The following COL4A1 variants were observed in gnomAD, a reference collection of about 807,000 sequenced individuals.
The protein encoded by COL4A1 is collagen type IV alpha 1 chain.
In COL4A1, 40 loss-of-function variants were observed where a neutral mutation model predicts 216.6. That is an observed-to-expected ratio of 0.18 (90% CI 0.14 to 0.24). COL4A1 has a LOEUF of 0.24. Among genes scored for constraint, COL4A1 ranks in the 10% least tolerant of loss-of-function variants. COL4A1 has a pLI of 1.00. For synonymous variants in COL4A1, 839 were observed against 810.7 expected (o/e 1.03, Z -0.59); for missense variants, 1,628 against 2,196.8 (o/e 0.74, Z 5.18).
chr13:110,160,956 G>A lies in COL4A1; in HGVS notation c.4640+236C>T, dbSNP rs541993550. 360 of 535,450 alleles carry A rather than the reference G, an allele frequency of 6.7e-4. 1 individual carries two copies. Among genetic ancestry groups the A allele is most frequent in the African/African-American group, 5.9e-3 (309 of 52,524 alleles). The allele number at this position is 535,450 out of a possible 1,614,324, so 33.2% of individuals were successfully genotyped here. Reference sequence around the variant, plus strand: ...ACTCCTGAGCTCAAGCAACCCTCTCGCCTCGGCTTCCCAAAGTGTTGGGAT... The same window carrying A: ...ACTCCTGAGCTCAAGCAACCCTCTCACCTCGGCTTCCCAAAGTGTTGGGAT... On this transcript the variant is annotated intron_variant, in intron 49 of 51. Transcript: ENST00000375820.
intron 2 of COL4A1, among the ~76,000 whole-genome samples, chr13:110,234,270 G>C (rs149030506): frequency 6.6e-6 from 1 of 152,162 alleles, no homozygotes; most frequent in African/African-American, 2.4e-5. Flanking sequence ...CACAAAGGCC[G>C]TTCCTGGCTT....
At chr13:110,301,006 G>A (rs1884468976) in intron 1 of COL4A1, among the ~76,000 whole-genome samples, 1 of 152,166 alleles carries the variant, frequency 6.6e-6, no homozygotes, top group Non-Finnish European at 1.5e-5. Flanking sequence ...ACCAAATCCA[G>A]CAAAGCTTCC....
intron 27 of COL4A1, 34 bp downstream of exon 27, chr13:110,183,150 G>C (rs750300609): frequency 6.2e-7 from 1 of 1,612,764 alleles, no homozygotes; most frequent in Non-Finnish European, 8.5e-7. Context: ...GGAAACTCTC[G>C]TGGTATCCCG....
intron 2 of COL4A1, among the ~76,000 whole-genome samples, chr13:110,231,023 G>T (rs138611836): frequency 1.3e-5 from 2 of 152,184 alleles, no homozygotes; most frequent in Non-Finnish European, 2.9e-5. Flanking sequence ...GATTAATGAC[G>T]TTGCATCCAT....
At chr13:110,247,939 A>G (rs1881902524) in intron 1 of COL4A1, among the ~76,000 whole-genome samples, 1 of 150,712 alleles carries the variant, frequency 6.6e-6, no homozygotes, top group Non-Finnish European at 1.5e-5. Context: ...TGAGTTAAAC[A>G]GGATGAGGTC....
chr13:110,227,308 T>C (rs1410164691), intron 2 of COL4A1, among the ~76,000 whole-genome samples: 1 of 151,870 alleles, frequency 6.6e-6, no homozygotes, highest in Non-Finnish European at 1.5e-5. Context: ...TATATAAACA[T>C]GTTACACTTT....
intron 1 of COL4A1, among the ~76,000 whole-genome samples, chr13:110,293,028 C>A (rs950554571): frequency 2.6e-5 from 4 of 152,210 alleles, no homozygotes; most frequent in African/African-American, 9.7e-5. Flanking sequence ...TTCCCACCTA[C>A]ACAACTTACC....
Position 110,205,548 on chromosome 13 carries a change from A to G in COL4A1, c.859-10T>C, listed in dbSNP as rs677877. 0.63 allele frequency: 1,019,449 copies of G among 1,610,452 alleles called. 326,580 individuals are homozygous for G. The highest frequency in any genetic ancestry group is 0.77 in the East Asian group (34,663 of 44,864). On this transcript the variant is annotated splice_polypyrimidine_tract_variant and intron_variant, in intron 15 of 51. Transcript: ENST00000375820. ...CTTTTCCGGGTTTGCCCTGTAGAATAAAGATGTAAACGTTAGTATTTAATA... is the reference window on the plus strand; with the variant it reads ...CTTTTCCGGGTTTGCCCTGTAGAATGAAGATGTAAACGTTAGTATTTAATA...
chr13:110,164,082 G>A (rs563485948), intron 46 of COL4A1, among the ~76,000 whole-genome samples: 6 of 141,066 alleles, frequency 4.3e-5, no homozygotes, highest in African/African-American at 1.3e-4. Context: ...TCGACCTCCC[G>A]GGCTCAAGCG....
Position 110,209,705 on chromosome 13 carries a change from T to C in COL4A1, c.615+275A>G. On this transcript the variant is annotated intron_variant, in intron 10 of 51. Coordinates refer to ENST00000375820, the MANE Select transcript of COL4A1 (RefSeq NM_001845.6). ...AACTCACTCCCACAGGCTGTGACTA[T>C]CAGCAGTACCCCGCCAGCCCCTTCA... is the stretch of plus-strand genomic sequence containing the variant. 5.8e-6 allele frequency: 4 copies of C among 684,760 alleles called. No homozygotes were observed. The South Asian group carries it at 6.7e-5, about 11-fold the overall frequency. The allele number at this position is 684,760 out of a possible 1,614,324, so 42.4% of individuals were successfully genotyped here.
chr13:110,306,372 T>C (rs753987035), intron 1 of COL4A1, among the ~76,000 whole-genome samples: 12 of 152,256 alleles, frequency 7.9e-5, no homozygotes, highest in Non-Finnish European at 1.5e-4. Context: ...CACTTCTGCC[T>C]TGGAGCGCGC....
At chr13:110,189,062 T>C (rs1477919125) in intron 24 of COL4A1, among the ~76,000 whole-genome samples, 2 of 152,240 alleles carry the variant, frequency 1.3e-5, no homozygotes, top group Non-Finnish European at 2.9e-5. Context: ...GTTTTGTTTT[T>C]TGCTTGTTTT....
At chr13:110,232,294 A>C (rs1171999482) in intron 2 of COL4A1, among the ~76,000 whole-genome samples, 2 of 152,238 alleles carry the variant, frequency 1.3e-5, no homozygotes. Context: ...TTGCTCGTTA[A>C]CTCTGACTAA....
Position 110,169,685 on chromosome 13 carries a change from G to A in COL4A1, c.3820C>T (p.Pro1274Ser), listed in dbSNP as rs1007183451. 8.7e-6 allele frequency: 14 copies of A among 1,613,978 alleles called. No individual in the cohort carries two copies. The highest frequency in any genetic ancestry group is 1.2e-5 in the Non-Finnish European group (14 of 1,180,040). ...GGCCCTGGGACACCGGGTGCTCCTG[G>A]CCAGCCTGGATTTCCTTTGTCACCT... ...VKGDKGNPGW[P>S]GAPGVPGPKG... Residue 1274 changes from proline (P) to serine (S), a missense_variant, in exon 43 of 52, where the codon CCA (proline) becomes TCA (serine). Transcript: ENST00000375820.
At chr13:110,178,007 T>C (rs1877959783) in intron 32 of COL4A1, 57 bp downstream of exon 32, 4 of 1,613,840 alleles carry the variant, frequency 2.5e-6, no homozygotes, top group Admixed American at 1.7e-5. Context: ...ATAAAAAGAA[T>C]AAGGTGAGGC....
intron 1 of COL4A1, among the ~76,000 whole-genome samples, chr13:110,261,896 G>A (rs1282630784): frequency 6.6e-6 from 1 of 152,236 alleles, no homozygotes; most frequent in Non-Finnish European, 1.5e-5. Flanking sequence ...CGGTGACAGT[G>A]AGTGACTCAT....
intron 2 of COL4A1, among the ~76,000 whole-genome samples, chr13:110,219,956 A>ATGTGTG (rs1880389767): frequency 1.8e-5 from 1 of 55,766 alleles, no homozygotes. Flanking sequence ...ATATACACAT[A>ATGTGTG]CATACATATA....
intron 43 of COL4A1, 126 bp downstream of exon 43, chr13:110,169,497 AACACAC>A (rs3832901): frequency 7.7e-5 from 91 of 1,184,714 alleles, no homozygotes; most frequent in Middle Eastern, 6.8e-4. Context: ...GTGGGAGTGT[AACACAC>A]ACACACACAC....
At chr13:110,289,008 A>G (rs1454316710) in intron 1 of COL4A1, among the ~76,000 whole-genome samples, 1 of 152,206 alleles carries the variant, frequency 6.6e-6, no homozygotes, top group East Asian at 1.9e-4. Context: ...ACTGCACTCC[A>G]GCCTGGGCTA....
Sources: gnomAD v4.1 joint callset for allele counts (sites outside exome capture counted in the v4.1 genomes callset) on GRCh38, gnomAD v4.1.1 for gene constraint, MANE v1.5 for transcripts, NCBI Gene and HGNC (gene_info 2026-07-23, HGNC 2026-07-21) for gene names.